SOX5: variants seen among roughly 807,000 people sequenced by gnomAD.
SOX5 encodes transcription factor SOX-5.
SOX5 carries 9 observed loss-of-function variants against 92.0 expected under a neutral mutation model. That is an observed-to-expected ratio of 0.10 (90% CI 0.06 to 0.17). The LOEUF is 0.17. Ranked by LOEUF, SOX5 falls within the 10% of genes least tolerant of loss-of-function variation. The pLI, the probability that SOX5 is intolerant of heterozygous loss-of-function variation, is 1.00. For missense variants in SOX5, 642 were observed against 944.5 expected, an observed-to-expected ratio of 0.68 and a Z score of 4.20; for synonymous variants, 344 against 336.3, an observed-to-expected ratio of 1.02 and a Z score of -0.25.
intron 1 of SOX5, among the ~76,000 whole-genome samples, chr12:23,898,308 A>C (rs2097197418): frequency 6.6e-6 from 1 of 152,186 alleles, no homozygotes; most frequent in Non-Finnish European, 1.5e-5. Context: ...AGTGGGCATT[A>C]TCATTCTTAC....
intron 3 of SOX5, among the ~76,000 whole-genome samples, chr12:23,761,223 G>A (rs189238488): frequency 1.2e-4 from 19 of 152,198 alleles, no homozygotes; most frequent in Admixed American, 1.2e-3. Flanking sequence ...ATATCATTTA[G>A]ATAAGCACTT....
At chr12:24,385,436 AT>A (rs1401397500) in intron 1 of SOX5, among the ~76,000 whole-genome samples, 1 of 152,188 alleles carries the variant, frequency 6.6e-6, no homozygotes, top group Non-Finnish European at 1.5e-5. Context: ...ACTTAACAGT[AT>A]TTTCAATTTA....
At chr12:24,313,672 C>T (rs933071567) in intron 2 of SOX5, among the ~76,000 whole-genome samples, 4 of 152,182 alleles carry the variant, frequency 2.6e-5, no homozygotes, top group African/African-American at 9.6e-5. Context: ...CACTGTATAA[C>T]ACTTTATTGC....
intron 4 of SOX5, among the ~76,000 whole-genome samples, chr12:23,993,941 T>TTGTA (rs1021434016): frequency 6.6e-6 from 1 of 151,372 alleles, no homozygotes; most frequent in Non-Finnish European, 1.5e-5. Context: ...GTGTGTATGT[T>TTGTA]TGTATGTATA....
At chr12:23,928,003 A>G (rs1940446556) in intron 1 of SOX5, among the ~76,000 whole-genome samples, 1 of 152,080 alleles carries the variant, frequency 6.6e-6, no homozygotes, top group Admixed American at 6.6e-5. Context: ...TAAGAGCATC[A>G]AGGAGCAACT....
chr12:23,817,715 T>C (rs946489051), intron 3 of SOX5, among the ~76,000 whole-genome samples: 2 of 152,192 alleles, frequency 1.3e-5, no homozygotes, highest in Admixed American at 1.3e-4. Context: ...TATAATAGAA[T>C]GCACTGATTA....
chr12:23,695,268 A>G (rs1315703882), intron 6 of SOX5, among the ~76,000 whole-genome samples: 1 of 152,198 alleles, frequency 6.6e-6, no homozygotes, highest in African/African-American at 2.4e-5. Context: ...AGAAAGTGTA[A>G]ATTCTCCAAC....
chr12:24,055,541 C>T (rs952213165), intron 4 of SOX5, among the ~76,000 whole-genome samples: 21 of 152,164 alleles, frequency 1.4e-4, no homozygotes, highest in Non-Finnish European at 4.4e-5. Context: ...GTGTTTTCCC[C>T]CTATGAACCA....
chr12:23,946,244 T>C (rs1190046541), intron 1 of SOX5, among the ~76,000 whole-genome samples: 2 of 152,104 alleles, frequency 1.3e-5, no homozygotes, highest in African/African-American at 2.4e-5. Context: ...ACAACCTAAT[T>C]TGCATAATCC....
intron 6 of SOX5, among the ~76,000 whole-genome samples, chr12:23,712,555 A>T (rs1287697804): frequency 1.3e-5 from 2 of 152,212 alleles, no homozygotes; most frequent in African/African-American, 4.8e-5. Flanking sequence ...ACATGTTAGT[A>T]TTATTAGCTA....
intron 4 of SOX5, among the ~76,000 whole-genome samples, chr12:24,002,180 A>G (rs890167621): frequency 1.3e-5 from 2 of 152,122 alleles, no homozygotes; most frequent in African/African-American, 4.8e-5. Flanking sequence ...CAAAGCAAGA[A>G]GAAGGCAGGA....
intron 1 of SOX5, among the ~76,000 whole-genome samples, chr12:24,407,884 C>A (rs190135496): frequency 1.3e-5 from 2 of 152,282 alleles, no homozygotes; most frequent in Non-Finnish European, 2.9e-5. Flanking sequence ...AGGTTTCTAT[C>A]CAAGACTTGG....
At chr12:23,961,590 C>T (rs1316915781) in intron 4 of SOX5, among the ~76,000 whole-genome samples, 1 of 152,124 alleles carries the variant, frequency 6.6e-6, no homozygotes, top group African/African-American at 2.4e-5. Flanking sequence ...GTTGAGGTAT[C>T]ACCCCCTATT....
intron 2 of SOX5, among the ~76,000 whole-genome samples, chr12:23,879,717 A>C (rs2096966469): frequency 6.6e-6 from 1 of 152,198 alleles, no homozygotes; most frequent in African/African-American, 2.4e-5. Flanking sequence ...AATGGAAAAA[A>C]TACATTGCAC....
intron 4 of SOX5, among the ~76,000 whole-genome samples, chr12:24,127,620 G>T (rs1949237386): frequency 6.6e-6 from 1 of 152,042 alleles, no homozygotes; most frequent in Admixed American, 6.5e-5. Flanking sequence ...GGAATAAAAG[G>T]AGACTATATC....
chr12:23,880,242 G>A (rs1348530495), intron 2 of SOX5, among the ~76,000 whole-genome samples: 1 of 152,140 alleles, frequency 6.6e-6, no homozygotes. Flanking sequence ...CCCTTAAAGT[G>A]ATTTAACACC....
chr12:24,559,121 T>A (rs1406634761), intron 1 of SOX5, among the ~76,000 whole-genome samples: 1 of 152,202 alleles, frequency 6.6e-6, no homozygotes, highest in Non-Finnish European at 1.5e-5. Context: ...AAATCTAAGT[T>A]CAGGATATAG....
rs139094085 is a variant in SOX5 at position 24,454,198 on chromosome 12, G to A, written c.-250-85559C>T. ...ATTGAAAAAGCGTGCTCTGTCTACC[G>A]GCATTTGGAAAACCTAATGAGGAGA... On this transcript the variant is annotated intron_variant, in intron 1 of 4. Transcript: ENST00000446891. Among the ~76,000 whole-genome samples the A allele has an allele frequency of 3.8e-3, 571 of 152,222 alleles. 3 individuals are homozygous for A. Among genetic ancestry groups the A allele is most frequent in the African/African-American group, 0.013 (525 of 41,540 alleles).
At chr12:24,087,795 C>CT (rs1210808516) in intron 4 of SOX5, among the ~76,000 whole-genome samples, 4 of 151,750 alleles carry the variant, frequency 2.6e-5, no homozygotes, top group Non-Finnish European at 5.9e-5. Context: ...GGAAATCTTC[C>CT]TTTTAAAATA....
Sources: gnomAD v4.1 joint callset for allele counts (sites outside exome capture counted in the v4.1 genomes callset) on GRCh38, gnomAD v4.1.1 for gene constraint, MANE v1.5 for transcripts, NCBI Gene and HGNC (gene_info 2026-07-23, HGNC 2026-07-21) for gene names.